Variants in DNAJC13 observed in about 807,000 individuals in gnomAD.
DNAJC13 encodes the protein dnaJ homolog subfamily C member 13.
A neutral mutation model predicts 290.5 loss-of-function variants in DNAJC13; 75 were observed. The observed-to-expected ratio is 0.26, with a 90% CI of 0.21 to 0.31. The LOEUF (loss-of-function observed/expected upper bound fraction) is 0.31. Among genes scored for constraint, DNAJC13 ranks in the 10% least tolerant of loss-of-function variants. The pLI is 1.00. For missense variants in DNAJC13, 2,260 were observed against 2,674.5 expected (o/e 0.85, Z 3.42); for synonymous variants, 862 against 892.0 (o/e 0.97, Z 0.60).
At chr3:132,495,327 G>T (rs1323410933) in intron 35 of DNAJC13, among the ~76,000 whole-genome samples, 161 bp downstream of exon 35, 1 of 152,122 alleles carries the variant, frequency 6.6e-6, no homozygotes, top group Admixed American at 6.6e-5. Flanking sequence ...TTTCTGCATG[G>T]ATGATGCTCC....
chr3:132,426,099 T>C lies in DNAJC13; in HGVS notation c.-14+8339T>C, dbSNP rs555656334. ...TAATAAATTAGAGAATGCAAGAATA[T>C]TGTGTTGTTCGAAAGCATGATGCAG... is the stretch of plus-strand genomic sequence containing the variant. On this transcript the variant is annotated intron_variant, in intron 1 of 55. Transcript: ENST00000260818. Among the ~76,000 whole-genome samples, 10 of 152,290 alleles carry C rather than the reference T, an allele frequency of 6.6e-5. No homozygotes were observed. In the South Asian group the frequency reaches 1.7e-3, roughly 25 times the overall value.
chr3:132,495,196 G>A, intron 35 of DNAJC13, 30 bp downstream of exon 35: 4 of 1,555,280 alleles, frequency 2.6e-6, no homozygotes, highest in Non-Finnish European at 3.5e-6. Flanking sequence ...TTCAGGCATT[G>A]GGCTTCCTCT....
At chr3:132,435,785 T>C (rs1387793433) in intron 2 of DNAJC13, among the ~76,000 whole-genome samples, 1 of 152,228 alleles carries the variant, frequency 6.6e-6, no homozygotes, top group Non-Finnish European at 1.5e-5. Flanking sequence ...ATTACTTTGG[T>C]CATCATAATA....
chr3:132,495,566 C>A (rs1429476238), intron 35 of DNAJC13, among the ~76,000 whole-genome samples: 1 of 152,150 alleles, frequency 6.6e-6, no homozygotes, highest in Non-Finnish European at 1.5e-5. Context: ...AATTTCATAT[C>A]ACTGTAACTG....
At chr3:132,422,393 T>C (rs1938986287) in intron 1 of DNAJC13, among the ~76,000 whole-genome samples, 1 of 152,152 alleles carries the variant, frequency 6.6e-6, no homozygotes, top group Non-Finnish European at 1.5e-5. Flanking sequence ...GGGACTGTAA[T>C]GTATGTTGAA....
chr3:132,526,996 T>G (rs373622788), intron 53 of DNAJC13, among the ~76,000 whole-genome samples: 2 of 152,342 alleles, frequency 1.3e-5, no homozygotes, highest in East Asian at 3.9e-4. Flanking sequence ...GTACAGTTTC[T>G]GTTAGGAAGA....
Position 132,538,849 on chromosome 3 carries a change from G to C in DNAJC13, c.*567G>C, listed in dbSNP as rs1440829649. 4 of 152,290 alleles carry C rather than the reference G, an allele frequency of 2.6e-5. No individual in the cohort carries two copies. The highest frequency in any genetic ancestry group is 1.3e-4 in the Admixed American group (2 of 15,268). The allele number at this position is 152,290 out of a possible 1,614,324, so 9.4% of individuals were successfully genotyped here. On this transcript the variant is annotated 3_prime_UTR_variant, in exon 56 of 56. Transcript: ENST00000260818. Reference sequence around the variant, plus strand: ...GCTTTACCAAATTGAATGAAAAGGAGCTTGTGCAAAAAAATTTAAAAATGG... The same window carrying C: ...GCTTTACCAAATTGAATGAAAAGGACCTTGTGCAAAAAAATTTAAAAATGG...
chr3:132,496,451 T>C, intron 35 of DNAJC13, 77 bp from the exon 36 acceptor site: 1 of 1,278,280 alleles, frequency 7.8e-7, no homozygotes, highest in Non-Finnish European at 1.1e-6. Flanking sequence ...ACTGATAAAA[T>C]GCAAACCATA....
At chr3:132,479,045 A>G (rs970168988) in intron 24 of DNAJC13, among the ~76,000 whole-genome samples, 182 bp from the exon 25 acceptor site, 1 of 152,212 alleles carries the variant, frequency 6.6e-6, no homozygotes, top group African/African-American at 2.4e-5. Flanking sequence ...TTATATAAAG[A>G]ATGTAATTTT....
chr3:132,492,310 A>G, intron 32 of DNAJC13, 104 bp from the exon 33 acceptor site: 1 of 1,175,336 alleles, frequency 8.5e-7, no homozygotes, highest in Non-Finnish European at 1.2e-6. Context: ...TCATTGAGTT[A>G]TTCTATAGAT....
At chr3:132,504,421 A>G (rs1576506167) in intron 41 of DNAJC13, among the ~76,000 whole-genome samples, 2 of 152,080 alleles carry the variant, frequency 1.3e-5, no homozygotes. Flanking sequence ...TTTGCTCACC[A>G]ATGTGATACA....
intron 6 of DNAJC13, among the ~76,000 whole-genome samples, chr3:132,452,165 AAAT>A (rs1933435458): frequency 6.6e-6 from 1 of 152,246 alleles, no homozygotes; most frequent in African/African-American, 2.4e-5. Context: ...CCAAGCCATA[AAAT>A]GGAATAATAA....
chr3:132,488,275 A>G, intron 29 of DNAJC13, 23 bp from the exon 30 acceptor site: 1 of 1,570,736 alleles, frequency 6.4e-7, no homozygotes, highest in Non-Finnish European at 8.6e-7. Context: ...CAACCCAATA[A>G]AAACATTTTA....
chr3:132,500,491 T>C (rs1320635726), intron 38 of DNAJC13, among the ~76,000 whole-genome samples: 1 of 152,226 alleles, frequency 6.6e-6, no homozygotes, highest in Non-Finnish European at 1.5e-5. Context: ...ACATTTTCTT[T>C]TGTGACTTTT....
chr3:132,447,782 G>C (rs566836652), intron 4 of DNAJC13, 116 bp from the exon 5 acceptor site: 1 of 805,310 alleles, frequency 1.2e-6, no homozygotes, highest in African/African-American at 1.8e-5. Context: ...TTGAATAACA[G>C]TTTTTAGTGT....
Position 132,475,070 on chromosome 3 carries a change from C to A in DNAJC13, c.2430C>A (p.Asn810Lys). Residue 810 changes from asparagine to lysine, a missense_variant, in exon 22 of 56, where the codon AAC (asparagine) becomes AAA (lysine). Coordinates refer to ENST00000260818, the MANE Select transcript of DNAJC13 (RefSeq NM_015268.4). ...ELGSANVISW[N>K]HHEFEVKYEC... ...GAAGTGCAAATGTGATCTCCTGGAA[C>A]CACCATGAGTTTGAGGTAAAGTTTG... 6.3e-7 allele frequency: 1 copy of A among 1,599,220 alleles called. No individual in the cohort carries two copies. Among genetic ancestry groups the A allele is most frequent in the East Asian group, 2.3e-5 (1 of 44,112 alleles).
intron 1 of DNAJC13, among the ~76,000 whole-genome samples, chr3:132,425,433 A>T (rs1939064935): frequency 6.6e-6 from 1 of 152,196 alleles, no homozygotes; most frequent in African/African-American, 2.4e-5. Flanking sequence ...TTTACATTAG[A>T]TACCCACATG....
chr3:132,455,146 A>G (rs887729973), intron 9 of DNAJC13, among the ~76,000 whole-genome samples: 1 of 152,214 alleles, frequency 6.6e-6, no homozygotes, highest in Admixed American at 6.5e-5. Context: ...TATCCAGAAT[A>G]TATACAGAAC....
intron 1 of DNAJC13, among the ~76,000 whole-genome samples, chr3:132,420,517 T>C (rs554837071): frequency 1.4e-3 from 217 of 152,100 alleles, no homozygotes; most frequent in Non-Finnish European, 2.3e-3. Context: ...GTGTTTGACT[T>C]AGACTTAATC....
Sources: allele counts gnomAD v4.1 joint callset (sites outside exome capture counted in the v4.1 genomes callset), GRCh38; gene constraint gnomAD v4.1.1; transcripts MANE v1.5; gene names NCBI Gene and HGNC (gene_info 2026-07-23, HGNC 2026-07-21).